FAM20B: variants seen among roughly 807,000 people sequenced by gnomAD.
FAM20B encodes glycosaminoglycan xylosylkinase.
A neutral mutation model predicts 43.8 loss-of-function variants in FAM20B; 23 were observed. That is an observed-to-expected ratio of 0.53 (90% CI 0.38 to 0.74). FAM20B has a LOEUF of 0.74. Among genes scored for constraint, FAM20B ranks in the 30% least tolerant of loss-of-function variants. The pLI is 0.00. For missense variants in FAM20B, 440 were observed against 510.5 expected (o/e 0.86, Z 1.33); for synonymous variants, 178 against 192.4 (o/e 0.93, Z 0.62).
At chr1:179,055,089 G>T (rs979205739) in intron 4 of FAM20B, among the ~76,000 whole-genome samples, 10 of 152,306 alleles carry the variant, frequency 6.6e-5, no homozygotes, top group African/African-American at 2.2e-4. Flanking sequence ...AAATTATTTT[G>T]TAAGGTTGTA....
chr1:179,025,782 G>C (rs1159541673), upstream of FAM20B: 1 of 149,942 alleles, frequency 6.7e-6, no homozygotes, highest in Non-Finnish European at 1.5e-5. Context: ...TCCGGTAGGG[G>C]CCGCCTACTG....
At chr1:179,027,871 A>G (rs1649853934) in intron 1 of FAM20B, among the ~76,000 whole-genome samples, 1 of 152,224 alleles carries the variant, frequency 6.6e-6, no homozygotes, top group Admixed American at 6.5e-5. Flanking sequence ...GAAAAAACAC[A>G]TCACTGCTTC....
intron 2 of FAM20B, among the ~76,000 whole-genome samples, chr1:179,048,272 AG>A (rs1161803285): frequency 6.6e-6 from 1 of 152,250 alleles, no homozygotes; most frequent in African/African-American, 2.4e-5. Flanking sequence ...TCCATTTTAC[AG>A]GTGAGAAAAA....
intron 4 of FAM20B, among the ~76,000 whole-genome samples, chr1:179,058,695 G>C (rs936066127): frequency 6.6e-6 from 1 of 152,204 alleles, no homozygotes; most frequent in Admixed American, 6.5e-5. Flanking sequence ...AATTGTGGCA[G>C]CATTGTCAAG....
At chr1:179,069,583 G>T (rs1651830697) in intron 7 of FAM20B, among the ~76,000 whole-genome samples, 1 of 152,068 alleles carries the variant, frequency 6.6e-6, no homozygotes, top group African/African-American at 2.4e-5. Context: ...TGTTGGTGGG[G>T]CTGGTCTCGA....
chr1:179,072,330 A>AT lies in FAM20B; in HGVS notation c.*187dup, dbSNP rs1441077848. The AT allele has an allele frequency of 1.7e-6, 1 of 590,496 alleles. No individual in the cohort carries two copies. The allele number at this position is 590,496 out of a possible 1,614,324, so 36.6% of individuals were successfully genotyped here. A position where few individuals can be genotyped will look rare whatever the true frequency, so the allele number is the denominator to read the frequency against. On this transcript the variant is annotated 3_prime_UTR_variant, in exon 8 of 8. Transcript: ENST00000263733. ...AAGCAAAGACCACAAGTTTCAGAGCATGGAGACATTCCTGCTGAATCGCCT... is the reference window on the plus strand; with the variant it reads ...AAGCAAAGACCACAAGTTTCAGAGCATTGGAGACATTCCTGCTGAATCGCCT...
chr1:179,064,654 C>T (rs1651617208), intron 6 of FAM20B, among the ~76,000 whole-genome samples, 158 bp downstream of exon 6: 1 of 152,200 alleles, frequency 6.6e-6, no homozygotes. Context: ...GTCCTTCTCT[C>T]CACTCTCAGG....
At position 179,074,450 on chromosome 1, in the gene FAM20B, T is replaced by A. The variant is rs925525455; in HGVS notation, c.*2306T>A. 6.6e-6 allele frequency: 1 copy of A among 152,604 alleles called. No homozygotes were observed. The highest frequency in any genetic ancestry group is 2.4e-5 in the African/African-American group (1 of 41,462). The allele number at this position is 152,604 out of a possible 1,614,324, so 9.5% of individuals were successfully genotyped here. ...TTAGTTGAACTAAGTTATGGATTTG[T>A]GGTCTTTCAAATACATGACGCCTTT... On this transcript the variant is annotated 3_prime_UTR_variant, in exon 8 of 8. Transcript: ENST00000263733.
At chr1:179,055,626 C>A (rs1470430813) in intron 4 of FAM20B, among the ~76,000 whole-genome samples, 4 of 152,036 alleles carry the variant, frequency 2.6e-5, no homozygotes, top group Non-Finnish European at 1.5e-5. Context: ...AGCATGAATT[C>A]CTGGTGGGTG....
chr1:179,025,031 A>G (rs1649697592), upstream of FAM20B, among the ~76,000 whole-genome samples: 1 of 152,182 alleles, frequency 6.6e-6, no homozygotes, highest in Non-Finnish European at 1.5e-5. Context: ...CCATGGAGTA[A>G]CCTGCATTAT....
the FAM20B span, among the ~76,000 whole-genome samples, chr1:179,018,793 A>G: frequency 6.6e-6 from 1 of 152,196 alleles, no homozygotes; most frequent in South Asian, 2.1e-4. Flanking sequence ...ATGTATACAT[A>G]TATCTCTAGA....
At chr1:179,035,725 A>G in intron 1 of FAM20B, 1 of 312,610 alleles carries the variant, frequency 3.2e-6, no homozygotes. Context: ...TTTTCTGTGG[A>G]ATCTATATCT....
At chr1:179,029,809 G>A (rs1334624294) in intron 1 of FAM20B, among the ~76,000 whole-genome samples, 1 of 152,092 alleles carries the variant, frequency 6.6e-6, no homozygotes, top group Non-Finnish European at 1.5e-5. Flanking sequence ...CTAATGTTGG[G>A]GAGTAAGGTA....
At chr1:179,019,623 C>T in the FAM20B span, among the ~76,000 whole-genome samples, 1 of 152,056 alleles carries the variant, frequency 6.6e-6, no homozygotes, top group Non-Finnish European at 1.5e-5. Context: ...CCACCATGCC[C>T]AGCTAATTTT....
In FAM20B at chr1:179,072,337, C is replaced by T. The variant is rs1651959088; in HGVS notation, c.*193C>T. 2 of 584,230 alleles carry T rather than the reference C, an allele frequency of 3.4e-6. No individual in the cohort carries two copies. Among genetic ancestry groups the T allele is most frequent in the African/African-American group, 1.9e-5 (1 of 53,738 alleles). 36.2% of individuals were successfully genotyped at this position (584,230 alleles called of 1,614,324 possible). ...GACCACAAGTTTCAGAGCATGGAGACATTCCTGCTGAATCGCCTTCTCACC... is the reference window on the plus strand; with the variant it reads ...GACCACAAGTTTCAGAGCATGGAGATATTCCTGCTGAATCGCCTTCTCACC... On this transcript the variant is annotated 3_prime_UTR_variant, in exon 8 of 8. Transcript: ENST00000263733.
intron 3 of FAM20B, among the ~76,000 whole-genome samples, chr1:179,053,231 C>T (rs529009074): frequency 1.3e-5 from 2 of 152,214 alleles, no homozygotes; most frequent in African/African-American, 2.4e-5. Flanking sequence ...AACATTGCCC[C>T]TCAATGCTAA....
intron 4 of FAM20B, among the ~76,000 whole-genome samples, chr1:179,060,016 C>T (rs12739429): frequency 2.6e-5 from 4 of 151,218 alleles, no homozygotes; most frequent in African/African-American, 7.3e-5. Context: ...AAAATTTTCT[C>T]GTCTGTCTAG....
chr1:179,064,459 G>A lies in FAM20B; in HGVS notation c.901G>A (p.Gly301Ser), dbSNP rs374924481. The A allele has an allele frequency of 6.2e-7, 1 of 1,614,100 alleles. No homozygotes were observed. The change falls in exon 6 of 8, where the codon GGC (glycine) becomes AGC (serine). Residue 301 changes from glycine (G) to serine (S), a missense_variant. Coordinates refer to ENST00000263733, the MANE Select transcript of FAM20B (RefSeq NM_014864.4). ...HHYESFQDDE[G>S]ASMLILLDNA... ...CTATGAGAGCTTTCAAGATGATGAA[G>A]GCGCTAGTATGCTCATCCTTCTTGA...
chr1:179,036,019 A>C (rs1230195181), intron 1 of FAM20B, among the ~76,000 whole-genome samples: 2 of 152,164 alleles, frequency 1.3e-5, no homozygotes, highest in East Asian at 3.8e-4. Context: ...AATCCCTGCT[A>C]CTTGGGAGGC....
Sources: allele counts gnomAD v4.1 joint callset (sites outside exome capture counted in the v4.1 genomes callset), GRCh38; gene constraint gnomAD v4.1.1; transcripts MANE v1.5; gene names NCBI Gene and HGNC (gene_info 2026-07-23, HGNC 2026-07-21).